Variants in AJAP1 observed in about 807,000 individuals in gnomAD.
AJAP1 encodes the protein adherens junctions associated protein 1, also known as adherens junction-associated protein 1.
In AJAP1, 5 loss-of-function variants were observed where a neutral mutation model predicts 35.0. The observed-to-expected ratio is 0.14, with a 90% confidence interval of 0.07 to 0.30. AJAP1 has a LOEUF of 0.30. Ranked by LOEUF, AJAP1 falls within the 10% of genes least tolerant of loss-of-function variation. The pLI is 1.00. For synonymous variants in AJAP1, 284 were observed against 249.3 expected (o/e 1.14, Z -1.31); for missense variants, 586 against 571.0 (o/e 1.03, Z -0.27).
rs928103621 is a variant in AJAP1 at position 4,791,676 on chromosome 1, T to C, written c.*9191T>C. Reference sequence around the variant, plus strand: ...TTTCACAACATCAAGCATTGGCCATTGGGCGTATCTGGGCATTGGTATGGA... The same window carrying C: ...TTTCACAACATCAAGCATTGGCCATCGGGCGTATCTGGGCATTGGTATGGA... On this transcript the variant is annotated 3_prime_UTR_variant, in exon 6 of 6. Transcript: ENST00000378191. 2 of 152,226 alleles carry C rather than the reference T, an allele frequency of 1.3e-5. 1 individual carries two copies. The highest frequency in any genetic ancestry group is 4.1e-4 in the South Asian group (2 of 4,834). 9.4% of individuals were successfully genotyped at this position (152,226 alleles called of 1,614,324 possible). A position where few individuals can be genotyped will look rare whatever the true frequency, so the allele number is the denominator to read the frequency against.
chr1:4,676,653 G>A (rs1183894849), intron 1 of AJAP1, among the ~76,000 whole-genome samples: 2 of 152,128 alleles, frequency 1.3e-5, no homozygotes, highest in African/African-American at 2.4e-5. Context: ...CTGGATTGTC[G>A]GGTGCCCAGC....
chr1:4,675,260 C>T (rs1310909258), intron 1 of AJAP1, among the ~76,000 whole-genome samples: 1 of 152,222 alleles, frequency 6.6e-6, no homozygotes, highest in Non-Finnish European at 1.5e-5. Context: ...GAAGAATTCA[C>T]CGAAAGCCGT....
At chr1:4,701,140 C>T (rs1010410640) in intron 1 of AJAP1, among the ~76,000 whole-genome samples, 3 of 152,216 alleles carry the variant, frequency 2.0e-5, no homozygotes, top group Non-Finnish European at 4.4e-5. Flanking sequence ...AGCAACATCC[C>T]CCGTGCCCCA....
intron 2 of AJAP1, among the ~76,000 whole-genome samples, chr1:4,722,313 C>T (rs1169676630): frequency 1.3e-5 from 2 of 152,194 alleles, no homozygotes; most frequent in South Asian, 2.1e-4. Flanking sequence ...AAGTTCACAG[C>T]GCAGAGGCGA....
intron 5 of AJAP1, among the ~76,000 whole-genome samples, chr1:4,777,951 G>A (rs1057080810): frequency 3.9e-5 from 6 of 152,228 alleles, no homozygotes; most frequent in Admixed American, 3.3e-4. Context: ...TTGAGAGAAA[G>A]TAGCCACTTC....
At chr1:4,659,858 A>G (rs1638963714) in intron 1 of AJAP1, among the ~76,000 whole-genome samples, 1 of 152,226 alleles carries the variant, frequency 6.6e-6, no homozygotes, top group African/African-American at 2.4e-5. Flanking sequence ...TCAGTTTACC[A>G]TTGCCAGGGC....
Position 4,700,371 on chromosome 1 carries a change from C to T in AJAP1, c.30-11529C>T, listed in dbSNP as rs112001020. Among the ~76,000 whole-genome samples, 19 of 152,258 alleles carry T rather than the reference C, an allele frequency of 1.2e-4. 1 individual carries two copies. Among genetic ancestry groups the T allele is most frequent in the African/African-American group, 2.9e-4 (12 of 41,564 alleles). On this transcript the variant is annotated intron_variant, in intron 1 of 5. Coordinates refer to ENST00000378191, the MANE Select transcript of AJAP1 (RefSeq NM_018836.4). The stretch of plus-strand genomic sequence containing the variant: ...CGATGCTGGGCCTCGCCCCCACAGG[C>T]GCCCATGAGTGGATCTGCCTGAGGC...
At chr1:4,731,270 G>A (rs540993145) in intron 2 of AJAP1, among the ~76,000 whole-genome samples, 9 of 152,184 alleles carry the variant, frequency 5.9e-5, no homozygotes, top group East Asian at 5.8e-4. Context: ...TAGTAGAGAC[G>A]GAGTTTCACC....
chr1:4,709,686 C>T (rs1489213701), intron 1 of AJAP1, among the ~76,000 whole-genome samples: 1 of 152,188 alleles, frequency 6.6e-6, no homozygotes, highest in Non-Finnish European at 1.5e-5. Context: ...CTAAATTCGT[C>T]CTTGTGGTGA....
intron 2 of AJAP1, among the ~76,000 whole-genome samples, chr1:4,733,116 CA>C (rs915846201): frequency 6.6e-6 from 1 of 152,162 alleles, no homozygotes; most frequent in African/African-American, 2.4e-5. Flanking sequence ...GCCCCGCCTC[CA>C]ACAAAGTGGG....
chr1:4,676,895 G>A lies in AJAP1; in HGVS notation c.29+21441G>A, dbSNP rs541921245. Among the ~76,000 whole-genome samples the A allele has an allele frequency of 6.6e-5, 10 of 152,224 alleles. 1 individual carries two copies. Among genetic ancestry groups the A allele is most frequent in the East Asian group, 1.9e-4 (1 of 5,198 alleles). On this transcript the variant is annotated intron_variant, in intron 1 of 5. Transcript: ENST00000378191. ...AAAATGGCCAGGGGCCGTGGCTCAC[G>A]CCTGTAATCCCAGCACTTTGGGAGG... is the stretch of plus-strand genomic sequence containing the variant.
intron 1 of AJAP1, among the ~76,000 whole-genome samples, chr1:4,696,557 C>T (rs780919606): frequency 3.9e-5 from 6 of 152,234 alleles, no homozygotes; most frequent in African/African-American, 1.4e-4. Context: ...TCTAGACACT[C>T]CACTTGGGAA....
At chr1:4,717,999 A>G (rs1037076387) in intron 2 of AJAP1, among the ~76,000 whole-genome samples, 1 of 152,344 alleles carries the variant, frequency 6.6e-6, no homozygotes, top group Non-Finnish European at 1.5e-5. Flanking sequence ...TAATTGGGAT[A>G]AGAGAATCAA....
At chr1:4,667,538 C>T (rs1639156766) in intron 1 of AJAP1, among the ~76,000 whole-genome samples, 1 of 152,206 alleles carries the variant, frequency 6.6e-6, no homozygotes, top group African/African-American at 2.4e-5. Context: ...ATAAGGAGTG[C>T]ACAACCTAGA....
intron 2 of AJAP1, among the ~76,000 whole-genome samples, chr1:4,721,193 G>A (rs1640508049): frequency 6.6e-6 from 1 of 152,328 alleles, no homozygotes; most frequent in Non-Finnish European, 1.5e-5. Context: ...GAGAAGCCCA[G>A]GCATTTGTGA....
intron 4 of AJAP1, among the ~76,000 whole-genome samples, 195 bp downstream of exon 4, chr1:4,772,720 T>C (rs1411190670): frequency 2.0e-5 from 3 of 152,232 alleles, no homozygotes; most frequent in African/African-American, 7.2e-5. Flanking sequence ...GGCGTTTAGC[T>C]GCTCCCAGAG....
Position 4,656,012 on chromosome 1 carries a change from G to T in AJAP1, c.29+558G>T, listed in dbSNP as rs535493871. ...CCCAGCTGCCGACCCAGCTGTTTGC[G>T]GGTGACCTCCGGGCCCGACGGGCGC... On this transcript the variant is annotated intron_variant, in intron 1 of 5. Coordinates refer to ENST00000378191, the MANE Select transcript of AJAP1 (RefSeq NM_018836.4). This position sits in a 1 kb window ranked among gnomAD's most constrained non-coding sequence, Gnocchi z 5.7. Among the ~76,000 whole-genome samples, 2 of 152,192 alleles carry T rather than the reference G, an allele frequency of 1.3e-5. No homozygotes were observed. The highest frequency in any genetic ancestry group is 4.1e-4 in the South Asian group (2 of 4,824).
chr1:4,704,310 C>T (rs1357747630), intron 1 of AJAP1, among the ~76,000 whole-genome samples: 1 of 121,084 alleles, frequency 8.3e-6, no homozygotes, highest in African/African-American at 3.1e-5. Context: ...TTCCCCCCTC[C>T]CCCCACCCCA....
At chr1:4,751,202 C>T (rs1455249985) in intron 2 of AJAP1, among the ~76,000 whole-genome samples, 2 of 152,122 alleles carry the variant, frequency 1.3e-5, no homozygotes, top group Non-Finnish European at 2.9e-5. Context: ...GGCACCATGT[C>T]TGGACCCGGC....
Sources: gnomAD v4.1 joint callset for allele counts (sites outside exome capture counted in the v4.1 genomes callset) on GRCh38, gnomAD v4.1.1 for gene constraint, Gnocchi (gnomAD v3.1) non-coding constraint, MANE v1.5 for transcripts, NCBI Gene and HGNC (gene_info 2026-07-23, HGNC 2026-07-21) for gene names.